The following PCDH9 variants were observed in gnomAD, a reference collection of about 807,000 sequenced individuals.
The protein encoded by PCDH9 is protocadherin-9.
In PCDH9, 24 loss-of-function variants were observed where a neutral mutation model predicts 70.6. The observed-to-expected ratio is 0.34, with a 90% CI of 0.25 to 0.48. PCDH9 has a LOEUF of 0.48. PCDH9 is among the 20% of genes least tolerant of loss of function. PCDH9 has a pLI of 0.99. For missense variants in PCDH9, 1,281 were observed against 1,503.6 expected (o/e 0.85, Z 2.45); for synonymous variants, 562 against 558.5 (o/e 1.01, Z -0.09).
At chr13:66,307,907 C>T (rs1179053607) in intron 4 of PCDH9, among the ~76,000 whole-genome samples, 1 of 152,054 alleles carries the variant, frequency 6.6e-6, no homozygotes, top group Non-Finnish European at 1.5e-5. Context: ...TATAATTTAT[C>T]CTTTTAAAAA....
chr13:66,696,786 T>C (rs1407376507), intron 3 of PCDH9, among the ~76,000 whole-genome samples: 2 of 10,502 alleles, frequency 1.9e-4, no homozygotes, highest in Non-Finnish European at 5.5e-4. Flanking sequence ...AGGCAAACTT[T>C]TTTTTTTTTT....
chr13:66,860,024 T>C (rs1056702274), intron 3 of PCDH9, among the ~76,000 whole-genome samples: 10 of 152,146 alleles, frequency 6.6e-5, no homozygotes, highest in African/African-American at 2.4e-4. Flanking sequence ...GATTGGGTTA[T>C]AAAGAAGTAT....
chr13:66,956,836 C>T (rs899189722), intron 2 of PCDH9, among the ~76,000 whole-genome samples: 1 of 152,122 alleles, frequency 6.6e-6, no homozygotes, highest in Non-Finnish European at 1.5e-5. Flanking sequence ...TGCTGTTTCG[C>T]ACTCCACCCA....
chr13:66,986,365 G>T (rs910743928), intron 2 of PCDH9, among the ~76,000 whole-genome samples: 1 of 151,954 alleles, frequency 6.6e-6, no homozygotes. Flanking sequence ...ATATCATAAA[G>T]TCTCTTCATC....
chr13:66,772,813 G>C lies in PCDH9; in HGVS notation c.3138+130691C>G, dbSNP rs149279228. ...GCAAAGCATTACAAAGCATACCAAT[G>C]TCACTGGGCTATCAATATTTATATT... On this transcript the variant is annotated intron_variant, in intron 3 of 4. Coordinates refer to ENST00000377865, the MANE Select transcript of PCDH9 (RefSeq NM_203487.3). Among the ~76,000 whole-genome samples the C allele has an allele frequency of 6.2e-3, 942 of 151,872 alleles. 7 individuals are homozygous for C. The highest frequency in any genetic ancestry group is 0.021 in the African/African-American group (890 of 41,432).
chr13:67,200,828 G>T (rs530284646), intron 2 of PCDH9, among the ~76,000 whole-genome samples: 1 of 152,156 alleles, frequency 6.6e-6, no homozygotes, highest in South Asian at 2.1e-4. Flanking sequence ...GGTTCCACAT[G>T]TGTGAGCAAT....
intron 4 of PCDH9, among the ~76,000 whole-genome samples, chr13:66,507,318 T>C (rs980875315): frequency 1.2e-4 from 19 of 152,166 alleles, no homozygotes; most frequent in Non-Finnish European, 2.6e-4. Context: ...GTGAAATACA[T>C]TTTTTCTTCA....
At chr13:66,878,650 A>G (rs1264987294) in intron 3 of PCDH9, among the ~76,000 whole-genome samples, 1 of 152,228 alleles carries the variant, frequency 6.6e-6, no homozygotes, top group Non-Finnish European at 1.5e-5. Context: ...AAGTTGTAGC[A>G]TCTTTGGACT....
intron 2 of PCDH9, among the ~76,000 whole-genome samples, chr13:67,083,107 A>G (rs1400683956): frequency 1.3e-5 from 2 of 152,270 alleles, no homozygotes; most frequent in African/African-American, 2.4e-5. Flanking sequence ...GGATAAGATT[A>G]AATAAAATAA....
intron 3 of PCDH9, among the ~76,000 whole-genome samples, chr13:66,844,534 G>A (rs1013412351): frequency 5.3e-5 from 8 of 150,500 alleles, no homozygotes; most frequent in Admixed American, 1.3e-4. Flanking sequence ...GCAGTGAGCC[G>A]AGATCGTGCC....
chr13:66,605,308 T>C (rs1455251602), intron 4 of PCDH9, among the ~76,000 whole-genome samples: 1 of 152,110 alleles, frequency 6.6e-6, no homozygotes, highest in African/African-American at 2.4e-5. Flanking sequence ...AGGTACATTC[T>C]GGTAATAATG....
chr13:67,149,716 A>T (rs1257926766), intron 2 of PCDH9, among the ~76,000 whole-genome samples: 1 of 152,176 alleles, frequency 6.6e-6, no homozygotes, highest in African/African-American at 2.4e-5. Flanking sequence ...TGTATAAAAA[A>T]AAACCCTAAG....
At chr13:66,628,960 G>T (rs527541046) in intron 4 of PCDH9, among the ~76,000 whole-genome samples, 138 of 152,170 alleles carry the variant, frequency 9.1e-4, no homozygotes, top group African/African-American at 3.2e-3. Flanking sequence ...TTGCTTTCTA[G>T]TTGAAATAAA....
chr13:66,627,092 T>A (rs577066845), intron 4 of PCDH9, among the ~76,000 whole-genome samples: 1 of 152,168 alleles, frequency 6.6e-6, no homozygotes, highest in African/African-American at 2.4e-5. Flanking sequence ...CTGGAAATAG[T>A]TACTATAGAA....
chr13:67,200,172 A>AT (rs2089174192), intron 2 of PCDH9, among the ~76,000 whole-genome samples: 1 of 152,068 alleles, frequency 6.6e-6, no homozygotes, highest in Non-Finnish European at 1.5e-5. Flanking sequence ...GGCATCAATA[A>AT]TTTTTTACTT....
intron 4 of PCDH9, among the ~76,000 whole-genome samples, chr13:66,629,742 A>G (rs1049016430): frequency 6.6e-6 from 1 of 152,260 alleles, no homozygotes; most frequent in Non-Finnish European, 1.5e-5. Context: ...TGCCTTGAGT[A>G]GAGAAAATTC....
chr13:67,193,102 G>A (rs2088962046), intron 2 of PCDH9, among the ~76,000 whole-genome samples: 1 of 152,074 alleles, frequency 6.6e-6, no homozygotes, highest in South Asian at 2.1e-4. Context: ...ATGTTCAAAT[G>A]TACCAGACTA....
At chr13:66,378,437 G>A (rs1408211613) in intron 4 of PCDH9, among the ~76,000 whole-genome samples, 3 of 152,080 alleles carry the variant, frequency 2.0e-5, no homozygotes, top group African/African-American at 7.2e-5. Context: ...CTCTGTGTGT[G>A]TATGTGTTTA....
Position 66,357,731 on chromosome 13 carries a change from G to T in PCDH9, c.3341-52703C>A, listed in dbSNP as rs114150518. On this transcript the variant is annotated intron_variant, in intron 4 of 4. Coordinates refer to ENST00000377865, the MANE Select transcript of PCDH9 (RefSeq NM_203487.3). Reference sequence around the variant, plus strand: ...AATTATGATCAATGTTTCTTTGATTGCCAAGGATATGCCTTGATTAAAACC... The same window carrying T: ...AATTATGATCAATGTTTCTTTGATTTCCAAGGATATGCCTTGATTAAAACC... Among the ~76,000 whole-genome samples the T allele has an allele frequency of 5.7e-3, 864 of 152,092 alleles. 9 individuals are homozygous for T. Among genetic ancestry groups the T allele is most frequent in the African/African-American group, 0.02 (814 of 41,530 alleles).
Sources: allele counts gnomAD v4.1 joint callset (sites outside exome capture counted in the v4.1 genomes callset), GRCh38; gene constraint gnomAD v4.1.1; transcripts MANE v1.5; gene names NCBI Gene and HGNC (gene_info 2026-07-23, HGNC 2026-07-21).